Variants in GATA4 observed in about 807,000 individuals in gnomAD.
GATA4 encodes GATA binding protein 4.
A neutral mutation model predicts 37.9 loss-of-function variants in GATA4; 7 were observed. The ratio of observed to expected loss-of-function variants is 0.18; its 90% confidence interval spans 0.11 to 0.35. The LOEUF is 0.35. GATA4 is among the 10% of genes least tolerant of loss of function. The pLI is 1.00. For synonymous variants in GATA4, 372 were observed against 292.6 expected (o/e 1.27, Z -2.77); for missense variants, 647 against 653.0 (o/e 0.99, Z 0.10).
At chr8:11,686,809 C>G (rs1799151099) in intron 1 of GATA4, among the ~76,000 whole-genome samples, 2 of 152,108 alleles carry the variant, frequency 1.3e-5, no homozygotes. Context: ...ACCAGCCTGA[C>G]CAACATGATG....
chr8:11,724,571 T>A (rs1482657316), intron 2 of GATA4, among the ~76,000 whole-genome samples: 4 of 152,218 alleles, frequency 2.6e-5, no homozygotes, highest in African/African-American at 9.6e-5. Context: ...AAACCCGCCC[T>A]GTGTTGCTTG....
chr8:11,720,886 G>A (rs78270616), intron 2 of GATA4, among the ~76,000 whole-genome samples: 288 of 152,124 alleles, frequency 1.9e-3, no homozygotes, highest in African/African-American at 5.9e-3. Context: ...CCCACTGAGT[G>A]TTGTCTGCAG....
chr8:11,692,572 C>T, upstream of GATA4: 1 of 985,354 alleles, frequency 1.0e-6, no homozygotes, highest in Non-Finnish European at 1.2e-6. Context: ...CGCGGCGGCT[C>T]CGCCTGGGAG....
intron 2 of GATA4, among the ~76,000 whole-genome samples, chr8:11,726,247 C>T (rs936389453): frequency 6.6e-6 from 1 of 152,180 alleles, no homozygotes; most frequent in African/African-American, 2.4e-5. Context: ...TAAAAGGAAC[C>T]TGAGAAACAG....
chr8:11,743,300 G>A (rs1175849534), intron 2 of GATA4, among the ~76,000 whole-genome samples: 1 of 152,262 alleles, frequency 6.6e-6, no homozygotes, highest in African/African-American at 2.4e-5. Context: ...ACTTGGACAG[G>A]GGCGCGTATA....
Position 11,708,942 on chromosome 8 carries a change from CGAGGGCTGGGGCGCGT to C in GATA4, c.616+21_616+36del. 1 of 1,523,632 alleles carries C rather than the reference CGAGGGCTGGGGCGCGT, an allele frequency of 6.6e-7. No homozygotes were observed. Among genetic ancestry groups the C allele is most frequent in the African/African-American group, 1.4e-5 (1 of 72,046 alleles). The allele number at this position is 1,523,632 out of a possible 1,614,324, so 94.4% of individuals were successfully genotyped here. A position where few individuals can be genotyped will look rare whatever the true frequency, so the allele number is the denominator to read the frequency against. ...ACCCCAATCTCGGTGAGTAGGAGCG[CGAGGGCTGGGGCGCGT>C]GAGGGCCGGGGCAGGGGCCGTCTTG... On this transcript the variant is annotated intron_variant, in intron 2 of 6. Transcript: ENST00000532059. This position sits in a 1 kb window ranked among gnomAD's most constrained non-coding sequence, Gnocchi z 6.7.
intron 1 of GATA4, among the ~76,000 whole-genome samples, chr8:11,698,842 G>A (rs938874496): frequency 6.6e-6 from 1 of 152,150 alleles, no homozygotes; most frequent in South Asian, 2.1e-4. Flanking sequence ...ATTTGAGCTG[G>A]TGGTTTGTAG....
At chr8:11,678,974 T>C (rs1798867116) in intron 1 of GATA4, among the ~76,000 whole-genome samples, 1 of 152,194 alleles carries the variant, frequency 6.6e-6, no homozygotes, top group Non-Finnish European at 1.5e-5. Context: ...AAAATATCCA[T>C]TTCAAATAGC....
chr8:11,742,134 C>A (rs1390751259), intron 2 of GATA4, among the ~76,000 whole-genome samples: 2 of 152,166 alleles, frequency 1.3e-5, no homozygotes, highest in African/African-American at 4.8e-5. Context: ...TGTGGAGGTG[C>A]TGGGAGTTCT....
intron 2 of GATA4, among the ~76,000 whole-genome samples, chr8:11,717,801 A>C (rs17153677): frequency 0.017 from 2,592 of 152,234 alleles, 71 homozygotes; most frequent in African/African-American, 0.059. Context: ...ATCATTCCTC[A>C]ACTGTAAGCT....
chr8:11,716,683 C>T (rs1439809731), intron 2 of GATA4, among the ~76,000 whole-genome samples: 1 of 152,198 alleles, frequency 6.6e-6, no homozygotes, highest in Non-Finnish European at 1.5e-5. Context: ...CAATGGTGAC[C>T]TCTCCAGGTA....
intron 1 of GATA4, chr8:11,680,416 G>T (rs1192731222): frequency 1.1e-6 from 1 of 943,622 alleles, no homozygotes; most frequent in African/African-American, 1.8e-5. Flanking sequence ...CGGCCCACGA[G>T]GCTGAGGAGC....
At chr8:11,696,771 T>C (rs564105615) in intron 1 of GATA4, among the ~76,000 whole-genome samples, 2 of 152,290 alleles carry the variant, frequency 1.3e-5, no homozygotes, top group South Asian at 2.1e-4. Flanking sequence ...AAGAAAGATA[T>C]GAATTCAGAG....
chr8:11,679,498 G>A (rs144410927), intron 1 of GATA4, among the ~76,000 whole-genome samples: 2 of 152,348 alleles, frequency 1.3e-5, no homozygotes, highest in African/African-American at 2.4e-5. Context: ...AGAGGAGAGT[G>A]GAGCCCTCTC....
chr8:11,745,386 C>CA (rs1412046482), intron 2 of GATA4, among the ~76,000 whole-genome samples: 6 of 121,394 alleles, frequency 4.9e-5, no homozygotes, highest in Non-Finnish European at 9.6e-5. Context: ...CCAGTCTGTA[C>CA]AACACAGTGA....
intron 1 of GATA4, among the ~76,000 whole-genome samples, chr8:11,687,513 G>GTTGTGGTTTA (rs1799176311): frequency 6.6e-6 from 1 of 152,070 alleles, no homozygotes; most frequent in Non-Finnish European, 1.5e-5. Context: ...ATGAATAATT[G>GTTGTGGTTTA]TTGTGGTTTA....
At chr8:11,747,056 C>T (rs1048284970) in intron 2 of GATA4, among the ~76,000 whole-genome samples, 17 of 152,336 alleles carry the variant, frequency 1.1e-4, no homozygotes, top group African/African-American at 3.6e-4. Context: ...AACCCACTCC[C>T]GAGCTGGGTC....
intron 1 of GATA4, among the ~76,000 whole-genome samples, chr8:11,678,810 C>T (rs1355326231): frequency 1.3e-5 from 2 of 152,092 alleles, no homozygotes; most frequent in Non-Finnish European, 1.5e-5. Context: ...ATCATTGCCA[C>T]AAATTTCCTT....
At position 11,749,037 on chromosome 8, in the gene GATA4, C is replaced by T; in HGVS notation, c.738C>T (p.His246=). Residue 246 remains histidine, a synonymous_variant, in exon 3 of 7, where the codon CAC becomes CAT. Transcript: ENST00000532059. The surrounding 1 kb of genome is among the most constrained non-coding windows in gnomAD (Gnocchi z 4.6). ...HYLCNACGLY[H]KMNGINRPLI... ...TGTGCAACGCCTGCGGCCTCTACCA[C>T]AAGATGAACGGCATCAACCGGCCGC... The T allele has an allele frequency of 6.2e-7, 1 of 1,614,218 alleles. No individual in the cohort carries two copies. Among genetic ancestry groups the T allele is most frequent in the Non-Finnish European group, 8.5e-7 (1 of 1,180,044 alleles).
Sources: allele counts gnomAD v4.1 joint callset (sites outside exome capture counted in the v4.1 genomes callset), GRCh38; gene constraint gnomAD v4.1.1; non-coding constraint Gnocchi (gnomAD v3.1); transcripts MANE v1.5; gene names NCBI Gene and HGNC (gene_info 2026-07-23, HGNC 2026-07-21).